PDCD6IP: variants seen among roughly 807,000 people sequenced by gnomAD.
The protein encoded by PDCD6IP is programmed cell death 6 interacting protein.
In PDCD6IP, 43 loss-of-function variants were observed where a neutral mutation model predicts 103.7. The ratio of observed to expected loss-of-function variants is 0.41; its 90% confidence interval spans 0.32 to 0.53. The LOEUF is 0.53. Ranked by LOEUF, PDCD6IP falls within the 20% of genes least tolerant of loss-of-function variation. PDCD6IP has a pLI of 0.16. For synonymous variants in PDCD6IP, 354 were observed against 378.7 expected (o/e 0.93, Z 0.76); for missense variants, 871 against 1,036.7 (o/e 0.84, Z 2.20).
chr3:33,804,471 G>A (rs1388111830), intron 1 of PDCD6IP, among the ~76,000 whole-genome samples: 1 of 152,240 alleles, frequency 6.6e-6, no homozygotes, highest in Non-Finnish European at 1.5e-5. Context: ...ACAATGTGGA[G>A]GATATAAAGA....
intron 15 of PDCD6IP, 145 bp downstream of exon 15, chr3:33,855,405 G>A: frequency 3.9e-6 from 2 of 506,508 alleles, no homozygotes; most frequent in Non-Finnish European, 7.2e-6. Context: ...ATTTTACAAA[G>A]CAACAAGTAA....
intron 12 of PDCD6IP, among the ~76,000 whole-genome samples, chr3:33,851,014 G>A (rs1181400608): frequency 6.6e-6 from 1 of 152,016 alleles, no homozygotes; most frequent in Non-Finnish European, 1.5e-5. Flanking sequence ...AGGCCAAAAA[G>A]GAAATTCACC....
At chr3:33,826,089 GA>G (rs1697117870) in intron 5 of PDCD6IP, among the ~76,000 whole-genome samples, 1 of 152,146 alleles carries the variant, frequency 6.6e-6, no homozygotes, top group African/African-American at 2.4e-5. Context: ...TCATGTGGAA[GA>G]AATAGGAATT....
Position 33,866,456 on chromosome 3 carries a change from C to T in PDCD6IP, c.2538C>T (p.Tyr846=), listed in dbSNP as rs1429764025. Residue 846 remains tyrosine, a synonymous_variant, in exon 18 of 18, where the codon TAC becomes TAT. Transcript: ENST00000307296. ...ACCAGAGTCCTGGACAGGCTCCATA[C>T]CCGGGACCCCAGCAGCCTTCATACC... ...VYHQSPGQAP[Y]PGPQQPSYPF... 3 of 1,611,936 alleles carry T rather than the reference C, an allele frequency of 1.9e-6. No individual in the cohort carries two copies. Among genetic ancestry groups the T allele is most frequent in the Non-Finnish European group, 2.5e-6 (3 of 1,179,268 alleles).
At position 33,812,062 on chromosome 3, in the gene PDCD6IP, TA is replaced by T. The variant is rs1352180640; in HGVS notation, c.210-9del. On this transcript the variant is annotated splice_polypyrimidine_tract_variant and intron_variant, in intron 1 of 17. Transcript: ENST00000307296. ...GCTCTGGTAATTATTAATTCTGCTC[TA>T]TTTTTTAGATATTATGATCAGATTT... 1.9e-6 allele frequency: 3 copies of T among 1,588,022 alleles called. No individual in the cohort carries two copies. Among genetic ancestry groups the T allele is most frequent in the East Asian group, 2.3e-5 (1 of 43,754 alleles).
chr3:33,838,746 A>G (rs1049902962), intron 9 of PDCD6IP, among the ~76,000 whole-genome samples: 8 of 150,946 alleles, frequency 5.3e-5, no homozygotes, highest in Non-Finnish European at 1.0e-4. Flanking sequence ...TTCAATTATT[A>G]TATGTATATG....
chr3:33,838,489 A>T (rs1207908764), intron 9 of PDCD6IP, among the ~76,000 whole-genome samples, 162 bp downstream of exon 9: 2 of 152,200 alleles, frequency 1.3e-5, no homozygotes, highest in African/African-American at 2.4e-5. Flanking sequence ...GTATTTATGA[A>T]GCTCTAGCAA....
chr3:33,825,029 G>A (rs954195761), intron 4 of PDCD6IP, among the ~76,000 whole-genome samples, 158 bp from the exon 5 acceptor site: 6 of 152,024 alleles, frequency 3.9e-5, no homozygotes, highest in African/African-American at 1.5e-4. Context: ...TAACCTTATT[G>A]TCTGTAGGTC....
intron 11 of PDCD6IP, 71 bp downstream of exon 11, chr3:33,844,294 A>G (rs1458065280): frequency 2.7e-5 from 21 of 774,000 alleles, no homozygotes; most frequent in Non-Finnish European, 4.3e-5. Context: ...GCTTGATTAA[A>G]TTAGGCTCAG....
intron 10 of PDCD6IP, among the ~76,000 whole-genome samples, chr3:33,842,962 T>C (rs1274769709): frequency 6.6e-6 from 1 of 152,210 alleles, no homozygotes; most frequent in African/African-American, 2.4e-5. Context: ...AGAAAGAATT[T>C]GTGTTTGCTT....
intron 11 of PDCD6IP, among the ~76,000 whole-genome samples, chr3:33,844,621 T>C (rs536876695): frequency 6.6e-6 from 1 of 152,204 alleles, no homozygotes. Context: ...GCTGACACTG[T>C]AGACATGTGC....
chr3:33,866,690 T>A lies in PDCD6IP; in HGVS notation c.*165T>A, dbSNP rs1268601799. On this transcript the variant is annotated 3_prime_UTR_variant, in exon 18 of 18. Transcript: ENST00000307296. ...CTAGAAGCTGTGCCCCAGTTCCACA[T>A]TTGATTACACATGTGAGATTTGCTG... The A allele has an allele frequency of 2.2e-6, 1 of 461,914 alleles. No individual in the cohort carries two copies. The allele number at this position is 461,914 out of a possible 1,614,324, so 28.6% of individuals were successfully genotyped here. A position where few individuals can be genotyped will look rare whatever the true frequency, so the allele number is the denominator to read the frequency against.
intron 1 of PDCD6IP, among the ~76,000 whole-genome samples, chr3:33,807,852 A>G (rs1696631924): frequency 6.6e-6 from 1 of 152,244 alleles, no homozygotes; most frequent in Non-Finnish European, 1.5e-5. Context: ...AGCAGAGTCT[A>G]GAATATCACT....
intron 15 of PDCD6IP, among the ~76,000 whole-genome samples, chr3:33,855,538 A>G (rs1697807776): frequency 6.6e-6 from 1 of 152,228 alleles, no homozygotes; most frequent in East Asian, 1.9e-4. Context: ...AGTGCCAGTA[A>G]ATACAAGCAA....
At chr3:33,814,718 A>T (rs192756259) in intron 3 of PDCD6IP, among the ~76,000 whole-genome samples, 2,412 of 145,542 alleles carry the variant, frequency 0.017, 30 homozygotes, top group Non-Finnish European at 0.027. Flanking sequence ...TATATATGTA[A>T]GTATATAATG....
intron 15 of PDCD6IP, among the ~76,000 whole-genome samples, chr3:33,860,337 TTTA>T (rs1317030358): frequency 5.3e-5 from 8 of 152,190 alleles, no homozygotes; most frequent in Non-Finnish European, 8.8e-5. Context: ...TATCTGAGAG[TTTA>T]TTTTGTTAAA....
intron 1 of PDCD6IP, among the ~76,000 whole-genome samples, chr3:33,807,838 T>C (rs1036554885): frequency 5.3e-5 from 8 of 152,196 alleles, no homozygotes; most frequent in African/African-American, 1.4e-4. Flanking sequence ...TTAGCCTTTT[T>C]CCCAGCAGAG....
At chr3:33,855,889 A>G (rs183057095) in intron 15 of PDCD6IP, among the ~76,000 whole-genome samples, 12 of 152,340 alleles carry the variant, frequency 7.9e-5, no homozygotes, top group East Asian at 3.9e-4. Flanking sequence ...TAAGGAGGCA[A>G]TCATTCTAAG....
chr3:33,826,092 A>G (rs1697117940), intron 5 of PDCD6IP, among the ~76,000 whole-genome samples: 1 of 152,198 alleles, frequency 6.6e-6, no homozygotes, highest in Non-Finnish European at 1.5e-5. Context: ...TGTGGAAGAA[A>G]TAGGAATTGG....
Sources: allele counts gnomAD v4.1 joint callset (sites outside exome capture counted in the v4.1 genomes callset), GRCh38; gene constraint gnomAD v4.1.1; transcripts MANE v1.5; gene names NCBI Gene and HGNC (gene_info 2026-07-23, HGNC 2026-07-21).